The following LRP6 variants were observed in gnomAD, a reference collection of about 807,000 sequenced individuals.
LRP6 encodes the protein LDL receptor related protein 6, also known as low-density lipoprotein receptor-related protein 6.
LRP6 carries 43 observed loss-of-function variants against 184.1 expected under a neutral mutation model. That is an observed-to-expected ratio of 0.23 (90% CI 0.18 to 0.30). The LOEUF (loss-of-function observed/expected upper bound fraction) is 0.30, where lower values mean the gene tolerates loss of function less well. Ranked by LOEUF, LRP6 falls within the 10% of genes least tolerant of loss-of-function variation. The probability of loss-of-function intolerance (pLI) is 1.00; values close to 1 mark genes in which losing one functional copy is unlikely to be tolerated. For missense variants in LRP6, 1,571 were observed against 2,005.3 expected, an observed-to-expected ratio of 0.78 and a Z score of 4.14; for synonymous variants, 719 against 684.9, an observed-to-expected ratio of 1.05 and a Z score of -0.78.
At chr12:12,210,126 A>G (rs1391202597) in intron 2 of LRP6, among the ~76,000 whole-genome samples, 2 of 152,214 alleles carry the variant, frequency 1.3e-5, no homozygotes, top group East Asian at 3.8e-4. Flanking sequence ...ATTTTACTAT[A>G]CTAAGAAACT....
chr12:12,244,185 G>C, intron 2 of LRP6, 77 bp downstream of exon 2: 1 of 1,394,266 alleles, frequency 7.2e-7, no homozygotes, highest in Non-Finnish European at 1.0e-6. Flanking sequence ...TTTCTCATAG[G>C]GGTCAGGGTG....
At chr12:12,149,658 C>A (rs1950055540) in intron 13 of LRP6, among the ~76,000 whole-genome samples, 1 of 152,248 alleles carries the variant, frequency 6.6e-6, no homozygotes, top group Middle Eastern at 3.4e-3. Context: ...TTCCGAGCAG[C>A]CCCCCACAAC....
At chr12:12,208,733 G>T (rs923142495) in intron 2 of LRP6, among the ~76,000 whole-genome samples, 1 of 152,150 alleles carries the variant, frequency 6.6e-6, no homozygotes, top group African/African-American at 2.4e-5. Context: ...ACTGAAATGG[G>T]TAAAGGAAGA....
rs1187643693 is a variant in LRP6, at chr12:12,233,242, T to G, written c.449+11020A>C. Among the ~76,000 whole-genome samples, 7 of 152,004 alleles carry G rather than the reference T, an allele frequency of 4.6e-5. No individual in the cohort carries two copies. In the South Asian group the frequency reaches 1.0e-3, roughly 23 times the overall value. ...CAGCACTTTGGGAAGCCAAGGTGGG[T>G]GGATCACAAGGTCAGGAGATCGAGA... On this transcript the variant is annotated intron_variant, in intron 2 of 22. Transcript: ENST00000261349.
rs745572869 is a variant in LRP6, at chr12:12,125,315, T to C, written c.4430A>G (p.Lys1477Arg). ...GASSSSSSST[K>R]GTYFPAILNP... ...ACTTACTGCAGGGAAGTAAGTGCCT[T>C]TGGTGCTTGAAGAACTACTTGATGA... The change falls in exon 21 of 23, where the codon AAA (lysine) becomes AGA (arginine). Residue 1477 changes from lysine to arginine, a missense_variant. Around this residue, in one of 4 missense-constraint regions of LRP6, gnomAD observed 763 missense variants for 859.5 expected, o/e 0.89. Coordinates refer to ENST00000261349, the MANE Select transcript of LRP6 (RefSeq NM_002336.3). 2 of 1,613,958 alleles carry C rather than the reference T, an allele frequency of 1.2e-6. No individual in the cohort carries two copies. Among genetic ancestry groups the C allele is most frequent in the African/African-American group, 1.3e-5 (1 of 74,898 alleles).
chr12:12,262,236 G>A lies in LRP6; in HGVS notation c.55+4445C>T, dbSNP rs149350695. Among the ~76,000 whole-genome samples, 434 of 152,172 alleles carry A rather than the reference G, an allele frequency of 2.9e-3. 1 individual carries two copies. The highest frequency in any genetic ancestry group is 0.017 in the Middle Eastern group (5 of 294). ...TCTACTAAAAATATAAAAATTATCC[G>A]GGCATGGTGGTGTGAGCCTGTGGTC... On this transcript the variant is annotated intron_variant, in intron 1 of 22. Transcript: ENST00000261349.
intron 17 of LRP6, among the ~76,000 whole-genome samples, chr12:12,134,586 T>C (rs939147539): frequency 2.0e-4 from 31 of 152,204 alleles, no homozygotes; most frequent in African/African-American, 7.5e-4. Context: ...CATTTTTTAC[T>C]AGATAAAGAA....
intron 2 of LRP6, among the ~76,000 whole-genome samples, chr12:12,231,920 T>C (rs986889649): frequency 6.6e-6 from 1 of 151,188 alleles, no homozygotes; most frequent in Non-Finnish European, 1.5e-5. Flanking sequence ...GAGGCTAAGA[T>C]GGGAGGATTG....
At chr12:12,258,123 T>C (rs1288684587) in intron 1 of LRP6, among the ~76,000 whole-genome samples, 1 of 152,182 alleles carries the variant, frequency 6.6e-6, no homozygotes, top group Non-Finnish European at 1.5e-5. Flanking sequence ...CTAAGAAATC[T>C]TTATTTATTT....
chr12:12,260,742 T>A (rs1422223567), intron 1 of LRP6, among the ~76,000 whole-genome samples: 1 of 152,134 alleles, frequency 6.6e-6, no homozygotes, highest in Non-Finnish European at 1.5e-5. Context: ...GGAAAGGAAA[T>A]AACTTGTCCA....
At chr12:12,252,536 C>T (rs992552046) in intron 1 of LRP6, among the ~76,000 whole-genome samples, 1 of 152,132 alleles carries the variant, frequency 6.6e-6, no homozygotes, top group Non-Finnish European at 1.5e-5. Flanking sequence ...TATAAAGCTC[C>T]TAGAAATTCA....
At chr12:12,249,231 G>C (rs2135926962) in intron 1 of LRP6, 1 of 856,790 alleles carries the variant, frequency 1.2e-6, no homozygotes, top group Admixed American at 1.9e-5. Context: ...ACCCCCCTTT[G>C]TAAGATTTGT....
chr12:12,134,687 C>T (rs1417751589), intron 17 of LRP6, among the ~76,000 whole-genome samples: 2 of 152,076 alleles, frequency 1.3e-5, no homozygotes, highest in South Asian at 2.1e-4. Flanking sequence ...AGAGAATCTA[C>T]AATTTAGTGG....
chr12:12,238,114 T>TA (rs1471831952), intron 2 of LRP6, among the ~76,000 whole-genome samples: 1 of 151,644 alleles, frequency 6.6e-6, no homozygotes, highest in Non-Finnish European at 1.5e-5. Flanking sequence ...AAGGAACTTC[T>TA]AAAAAAATTA....
chr12:12,164,936 A>T, intron 8 of LRP6, 143 bp downstream of exon 8: 4 of 335,090 alleles, frequency 1.2e-5, no homozygotes, highest in Non-Finnish European at 2.2e-5. Context: ...AAAAAAAAAA[A>T]AAAAAAAAAA....
At chr12:12,150,211 T>C (rs1231219948) in intron 13 of LRP6, among the ~76,000 whole-genome samples, 2 of 152,164 alleles carry the variant, frequency 1.3e-5, no homozygotes, top group Non-Finnish European at 2.9e-5. Context: ...AAATCCATAA[T>C]TGGCATGTAA....
chr12:12,192,629 A>G (rs982895177), intron 3 of LRP6, among the ~76,000 whole-genome samples: 3 of 152,072 alleles, frequency 2.0e-5, no homozygotes, highest in African/African-American at 4.8e-5. Flanking sequence ...AAAGATTTTA[A>G]GTATAAAAAG....
At position 12,222,660 on chromosome 12, in the gene LRP6, A is replaced by G. The variant is rs138173453; in HGVS notation, c.450-19260T>C. ...CGGTGGATGCCTGAAACTGCAGAGT[A>G]CCAAACCCTATATATACTATGTTTT... On this transcript the variant is annotated intron_variant, in intron 2 of 22. Coordinates refer to ENST00000261349, the MANE Select transcript of LRP6 (RefSeq NM_002336.3). Among the ~76,000 whole-genome samples the G allele has an allele frequency of 9.2e-5, 14 of 152,142 alleles. No individual in the cohort carries two copies. The East Asian group carries it at 2.7e-3, about 29-fold the overall frequency.
rs1949560490 is a variant in LRP6 at position 12,119,207 on chromosome 12, C to G, written c.*1919G>C. The G allele has an allele frequency of 6.6e-6, 1 of 152,184 alleles. No homozygotes were observed. The highest frequency in any genetic ancestry group is 2.4e-5 in the African/African-American group (1 of 41,450). 9.4% of individuals were successfully genotyped at this position (152,184 alleles called of 1,614,324 possible). On this transcript the variant is annotated 3_prime_UTR_variant, in exon 23 of 23. Transcript: ENST00000261349. ...AACAATCAGCATTATTCTGAAACCA[C>G]AATTTTATCTTCAAAAACTTTACTT...
Sources: allele counts gnomAD v4.1 joint callset (sites outside exome capture counted in the v4.1 genomes callset), GRCh38; gene constraint gnomAD v4.1.1; regional missense constraint gnomAD v4.1.1; transcripts MANE v1.5; gene names NCBI Gene and HGNC (gene_info 2026-07-23, HGNC 2026-07-21).